The following MYO5C variants were observed in gnomAD, a reference collection of about 807,000 sequenced individuals.
The protein encoded by MYO5C is myosin VC.
In MYO5C, 194 loss-of-function variants were observed where a neutral mutation model predicts 235.7. That is an observed-to-expected ratio of 0.82 (90% CI 0.73 to 0.93). The LOEUF is 0.93. MYO5C is among the 40% of genes least tolerant of loss of function. The pLI is 0.00. For synonymous variants in MYO5C, 707 were observed against 754.8 expected (o/e 0.94, Z 1.04); for missense variants, 2,038 against 2,127.2 (o/e 0.96, Z 0.82).
In MYO5C at chr15:52,196,289, C is replaced by G; in HGVS notation, c.4995+20G>C. Reference sequence around the variant, plus strand: ...ATGTGTCAGGGAAGAGCCAGGGAGACACTAAGCAAGCCTGGTCACCTGCAC... The same window carrying G: ...ATGTGTCAGGGAAGAGCCAGGGAGAGACTAAGCAAGCCTGGTCACCTGCAC... On this transcript the variant is annotated intron_variant, in intron 39 of 40. Transcript: ENST00000261839. 6.3e-7 allele frequency: 1 copy of G among 1,580,434 alleles called. No homozygotes were observed. Among genetic ancestry groups the G allele is most frequent in the South Asian group, 1.2e-5 (1 of 84,068 alleles).
chr15:52,245,560 CG>C (rs941164573), intron 17 of MYO5C, 95 bp from the exon 18 acceptor site: 2 of 864,224 alleles, frequency 2.3e-6, no homozygotes, highest in Admixed American at 1.7e-5. Flanking sequence ...TGTCATAGGG[CG>C]GGGGTGGTGC....
intron 1 of MYO5C, among the ~76,000 whole-genome samples, chr15:52,288,743 C>G (rs1393576188): frequency 6.6e-6 from 1 of 152,230 alleles, no homozygotes; most frequent in East Asian, 1.9e-4. Flanking sequence ...TCCCATGAGG[C>G]AGGAGTCTGT....
rs759296103 is a variant in MYO5C at position 52,237,650 on chromosome 15, G to C, written c.2704-4C>G. On this transcript the variant is annotated splice_polypyrimidine_tract_variant and splice_region_variant and intron_variant, in intron 21 of 40. Coordinates refer to ENST00000261839, the MANE Select transcript of MYO5C (RefSeq NM_018728.4). Reference sequence around the variant, plus strand: ...CCAGCCCATGGTTTTCTTTGTTCTAGAGAAAAGAAAATTCAGATGTTTAGA... The same window carrying C: ...CCAGCCCATGGTTTTCTTTGTTCTACAGAAAAGAAAATTCAGATGTTTAGA... 12 of 1,604,146 alleles carry C rather than the reference G, an allele frequency of 7.5e-6. No homozygotes were observed. Among genetic ancestry groups the C allele is most frequent in the Admixed American group, 3.5e-5 (2 of 57,576 alleles).
intron 3 of MYO5C, 86 bp downstream of exon 3, chr15:52,279,423 G>T: frequency 7.0e-7 from 1 of 1,423,656 alleles, no homozygotes; most frequent in Non-Finnish European, 9.6e-7. Flanking sequence ...TGGGTGCTCA[G>T]TATAAACATA....
intron 20 of MYO5C, among the ~76,000 whole-genome samples, chr15:52,241,831 G>A (rs1040823915): frequency 2.0e-5 from 3 of 151,952 alleles, no homozygotes; most frequent in African/African-American, 4.8e-5. Flanking sequence ...CTGCAGCCTC[G>A]AACTCCTGGG....
chr15:52,277,303 G>C (rs2037074165), intron 4 of MYO5C: 1 of 513,962 alleles, frequency 1.9e-6, no homozygotes, highest in Non-Finnish European at 3.9e-6. Context: ...TAGGGCTGAA[G>C]TGAGCACAGC....
At chr15:52,260,636 T>G (rs566799343) in intron 10 of MYO5C, among the ~76,000 whole-genome samples, 1 of 152,340 alleles carries the variant, frequency 6.6e-6, no homozygotes, top group South Asian at 2.1e-4. Flanking sequence ...TGGCACACAG[T>G]AAGCTCTTGA....
rs1443547651 is a variant in MYO5C at position 52,295,747 on chromosome 15, G to A, written c.-111C>T. ...AGAGACCGCCGCGGAAATCACCGCC[G>A]GGCCATCTTGCCCAAAGTTTTCCAA... On this transcript the variant is annotated 5_prime_UTR_variant, in exon 1 of 41. Transcript: ENST00000261839. 6 of 729,962 alleles carry A rather than the reference G, an allele frequency of 8.2e-6. No homozygotes were observed. Among genetic ancestry groups the A allele is most frequent in the African/African-American group, 3.7e-5 (2 of 53,698 alleles). 45.2% of individuals were successfully genotyped at this position (729,962 alleles called of 1,614,324 possible). A position where few individuals can be genotyped will look rare whatever the true frequency, so the allele number is the denominator to read the frequency against.
chr15:52,275,474 G>A (rs2037023134), intron 5 of MYO5C, 88 bp downstream of exon 5: 5 of 1,519,342 alleles, frequency 3.3e-6, no homozygotes, highest in Non-Finnish European at 4.5e-6. Context: ...TTAAAGGGTG[G>A]GAACTTGAAT....
At chr15:52,195,930 C>A (rs1372333125) in intron 39 of MYO5C, among the ~76,000 whole-genome samples, 1 of 140,612 alleles carries the variant, frequency 7.1e-6, no homozygotes, top group Non-Finnish European at 1.5e-5. Context: ...TCCCAAGTAG[C>A]TGGGACCAAA....
At chr15:52,195,481 GT>G in intron 39 of MYO5C, 24 bp from the exon 40 acceptor site, 1 of 1,469,612 alleles carries the variant, frequency 6.8e-7, no homozygotes, top group Non-Finnish European at 9.4e-7. Context: ...ATAACATGGT[GT>G]TAGACCATGC....
intron 1 of MYO5C, among the ~76,000 whole-genome samples, chr15:52,288,204 A>G (rs1445313913): frequency 6.6e-6 from 1 of 152,130 alleles, no homozygotes; most frequent in Non-Finnish European, 1.5e-5. Context: ...GTCTCAAAGG[A>G]CCAGGACTCC....
intron 8 of MYO5C, among the ~76,000 whole-genome samples, chr15:52,266,034 G>A (rs573103467): frequency 1.8e-4 from 27 of 152,292 alleles, no homozygotes; most frequent in African/African-American, 6.3e-4. Flanking sequence ...AAGTGATCAT[G>A]AGCAGCAACT....
chr15:52,288,699 C>T (rs1486828670), intron 1 of MYO5C, among the ~76,000 whole-genome samples: 3 of 152,242 alleles, frequency 2.0e-5, no homozygotes, highest in African/African-American at 7.2e-5. Flanking sequence ...AACAATGTAA[C>T]CAGCTGTCAA....
rs1450833113 is a variant in MYO5C, at chr15:52,219,793, G to A, written c.3751C>T (p.His1251Tyr). ...GKLEELSNQL[H>Y]RSQEEEGTQR... ...GTTCCTTCCTCCTCTTGACTGCGATGTAACTGATTAGACAATTCTTCTAGT... is the reference window on the plus strand; with the variant it reads ...GTTCCTTCCTCCTCTTGACTGCGATATAACTGATTAGACAATTCTTCTAGT... Residue 1251 changes from histidine (H) to tyrosine (Y), a missense_variant, in exon 31 of 41, where the codon CAT becomes TAT. His to Tyr is a moderately conservative substitution (Grantham distance 83). Coordinates refer to ENST00000261839, the MANE Select transcript of MYO5C (RefSeq NM_018728.4). The A allele has an allele frequency of 2.5e-6, 4 of 1,612,560 alleles. No individual in the cohort carries two copies. The highest frequency in any genetic ancestry group is 1.7e-5 in the Admixed American group (1 of 59,966).
chr15:52,236,343 G>C (rs2036085428), intron 22 of MYO5C, among the ~76,000 whole-genome samples: 1 of 152,182 alleles, frequency 6.6e-6, no homozygotes, highest in South Asian at 2.1e-4. Flanking sequence ...TGTCTTCTGG[G>C]CCTCCAAGCC....
At chr15:52,263,281 T>C (rs2036731663) in intron 9 of MYO5C, among the ~76,000 whole-genome samples, 1 of 152,206 alleles carries the variant, frequency 6.6e-6, no homozygotes, top group Non-Finnish European at 1.5e-5. Context: ...TGTTTTCTTC[T>C]TTACATGGAC....
chr15:52,253,478 C>G, intron 11 of MYO5C, 21 bp from the exon 12 acceptor site: 1 of 1,605,440 alleles, frequency 6.2e-7, no homozygotes, highest in Non-Finnish European at 8.5e-7. Flanking sequence ...AAAGTTAATA[C>G]AGAAAGTAAA....
At chr15:52,260,113 C>T (rs768875921) in intron 10 of MYO5C, among the ~76,000 whole-genome samples, 9 of 152,248 alleles carry the variant, frequency 5.9e-5, no homozygotes, top group Non-Finnish European at 1.2e-4. Flanking sequence ...CAGAGCCCTC[C>T]ATGCCAGCTT....
Sources: allele counts gnomAD v4.1 joint callset (sites outside exome capture counted in the v4.1 genomes callset), GRCh38; gene constraint gnomAD v4.1.1; transcripts MANE v1.5; gene names NCBI Gene and HGNC (gene_info 2026-07-23, HGNC 2026-07-21).